OLA1: variants seen among roughly 807,000 people sequenced by gnomAD.
OLA1 encodes the protein obg-like ATPase 1.
OLA1 carries 14 observed loss-of-function variants against 48.4 expected under a neutral mutation model. The observed-to-expected ratio is 0.29, with a 90% CI of 0.19 to 0.45. OLA1 has a LOEUF of 0.45. Among genes scored for constraint, OLA1 ranks in the 20% least tolerant of loss-of-function variants. The pLI is 1.00. For missense variants in OLA1, 325 were observed against 467.1 expected (o/e 0.70, Z 2.80); for synonymous variants, 127 against 150.4 (o/e 0.84, Z 1.14).
chr2:174,114,062 C>T (rs12052812), intron 7 of OLA1, among the ~76,000 whole-genome samples: 1 of 151,424 alleles, frequency 6.6e-6, no homozygotes, highest in African/African-American at 2.4e-5. Context: ...GGCGCGGTGG[C>T]TCATGCCTGT....
chr2:174,124,094 G>C (rs544113921), intron 5 of OLA1, among the ~76,000 whole-genome samples: 1 of 152,188 alleles, frequency 6.6e-6, no homozygotes, highest in African/African-American at 2.4e-5. Flanking sequence ...AGACAAAATT[G>C]AGCCTATTAT....
At position 174,116,217 on chromosome 2, in the gene OLA1, T is replaced by C. The variant is rs534165140; in HGVS notation, c.728+6963A>G. ...TGCAAAGTTCATAAGTCGGTTATTT[T>C]AAAACACATTTTTAAAAAGCAGAAT... On this transcript the variant is annotated intron_variant, in intron 7 of 10. Transcript: ENST00000284719. Among the ~76,000 whole-genome samples, 33 of 152,338 alleles carry C rather than the reference T, an allele frequency of 2.2e-4. No homozygotes were observed. The East Asian group carries it at 5.6e-3, about 26-fold the overall frequency.
At chr2:174,086,836 C>T (rs1684987760) in intron 7 of OLA1, among the ~76,000 whole-genome samples, 1 of 152,144 alleles carries the variant, frequency 6.6e-6, no homozygotes, top group East Asian at 1.9e-4. Context: ...TTTCAGACTG[C>T]GGTTGACAGC....
Position 174,096,154 on chromosome 2 carries a change from A to G in OLA1, c.729-14090T>C, listed in dbSNP as rs541113538. ...CACACTACAACATGGGTGAACGTTG[A>G]AAACACTATGCTAGACACAAAAGGC... On this transcript the variant is annotated intron_variant, in intron 7 of 10. Coordinates refer to ENST00000284719, the MANE Select transcript of OLA1 (RefSeq NM_013341.5). Among the ~76,000 whole-genome samples, 15 of 152,328 alleles carry G rather than the reference A, an allele frequency of 9.8e-5. No individual in the cohort carries two copies. The South Asian group carries it at 3.1e-3, about 32-fold the overall frequency.
At chr2:174,223,905 C>A (rs182011572) in intron 3 of OLA1, among the ~76,000 whole-genome samples, 1 of 151,394 alleles carries the variant, frequency 6.6e-6, no homozygotes, top group East Asian at 1.9e-4. Context: ...GCACATTTAA[C>A]ACCAGTTAAA....
rs1181950190 is a variant in OLA1, at chr2:174,073,369, C to A, written c.*2057G>T. The stretch of plus-strand genomic sequence containing the variant: ...GATACATGCAAAAATATTTACATAA[C>A]ATCCTAAAATATATTAACTTTATCA... On this transcript the variant is annotated 3_prime_UTR_variant, in exon 11 of 11. Transcript: ENST00000284719. The A allele has an allele frequency of 6.6e-6, 1 of 152,056 alleles. No homozygotes were observed. The highest frequency in any genetic ancestry group is 1.5e-5 in the Non-Finnish European group (1 of 67,998). 9.4% of individuals were successfully genotyped at this position (152,056 alleles called of 1,614,324 possible).
chr2:174,111,612 C>T (rs1685653089), intron 7 of OLA1, among the ~76,000 whole-genome samples: 1 of 152,130 alleles, frequency 6.6e-6, no homozygotes, highest in South Asian at 2.1e-4. Context: ...TATACGTATA[C>T]AATGTTCATT....
At chr2:174,210,555 T>C (rs1257147303) in intron 4 of OLA1, among the ~76,000 whole-genome samples, 1 of 152,028 alleles carries the variant, frequency 6.6e-6, no homozygotes, top group African/African-American at 2.4e-5. Context: ...GGGAAAGGGG[T>C]GTAAACACAT....
chr2:174,166,615 C>T (rs1260650547), intron 4 of OLA1, among the ~76,000 whole-genome samples: 1 of 152,100 alleles, frequency 6.6e-6, no homozygotes, highest in African/African-American at 2.4e-5. Flanking sequence ...TACTATAGCA[C>T]GGTGCAATAG....
rs148478065 is a variant in OLA1, at chr2:174,207,682, G to A, written c.373+15351C>T. ...AAAATAAAGAGTGACATCAAAACCA[G>A]TACAGCTAGCAGTTATTCAAAAAAA... On this transcript the variant is annotated intron_variant, in intron 4 of 10. Coordinates refer to ENST00000284719, the MANE Select transcript of OLA1 (RefSeq NM_013341.5). Among the ~76,000 whole-genome samples, 490 of 152,192 alleles carry A rather than the reference G, an allele frequency of 3.2e-3. 2 individuals are homozygous for A. Among genetic ancestry groups the A allele is most frequent in the African/African-American group, 0.011 (466 of 41,520 alleles).
At chr2:174,199,590 A>AT (rs1158931591) in intron 4 of OLA1, among the ~76,000 whole-genome samples, 1 of 152,120 alleles carries the variant, frequency 6.6e-6, no homozygotes, top group Non-Finnish European at 1.5e-5. Context: ...AACAGATTTG[A>AT]TTTTTTTGAT....
chr2:174,233,889 T>C (rs184242407), intron 2 of OLA1, among the ~76,000 whole-genome samples: 2 of 152,292 alleles, frequency 1.3e-5, no homozygotes, highest in African/African-American at 2.4e-5. Context: ...CAAAGGACAT[T>C]AGTGGGAAAA....
At chr2:174,135,418 G>A (rs959050203) in intron 5 of OLA1, among the ~76,000 whole-genome samples, 1 of 152,124 alleles carries the variant, frequency 6.6e-6, no homozygotes, top group Non-Finnish European at 1.5e-5. Context: ...TTTTGTATTT[G>A]TGGAAAACAA....
intron 7 of OLA1, among the ~76,000 whole-genome samples, chr2:174,109,868 G>A (rs10930638): frequency 0.43 from 64,949 of 151,894 alleles, 14,685 homozygotes; most frequent in East Asian, 0.94. Flanking sequence ...TTCGTTACAT[G>A]AACACATCAC....
At chr2:174,243,372 T>C (rs1464719520) in intron 2 of OLA1, among the ~76,000 whole-genome samples, 1 of 152,180 alleles carries the variant, frequency 6.6e-6, no homozygotes, top group African/African-American at 2.4e-5. Flanking sequence ...TAGGCTGCAG[T>C]GAGCCATGAT....
At chr2:174,087,712 T>C (rs1018486220) in intron 7 of OLA1, among the ~76,000 whole-genome samples, 4 of 152,190 alleles carry the variant, frequency 2.6e-5, no homozygotes, top group African/African-American at 9.6e-5. Flanking sequence ...AATAGTTTTC[T>C]CCAGCATACG....
At chr2:174,223,765 C>CA (rs71021680) in intron 3 of OLA1, among the ~76,000 whole-genome samples, 1,383 of 73,286 alleles carry the variant, frequency 0.019, 15 homozygotes, top group Non-Finnish European at 0.021. Flanking sequence ...GTTATATAGA[C>CA]AAAAAAAAAA....
At chr2:174,116,439 T>C (rs1685784651) in intron 7 of OLA1, among the ~76,000 whole-genome samples, 1 of 152,228 alleles carries the variant, frequency 6.6e-6, no homozygotes, top group Non-Finnish European at 1.5e-5. Context: ...CAAATATAGA[T>C]ATGCCAATTC....
chr2:174,232,164 C>T (rs1029177910), intron 2 of OLA1, among the ~76,000 whole-genome samples: 8 of 152,108 alleles, frequency 5.3e-5, no homozygotes, highest in Admixed American at 3.9e-4. Flanking sequence ...GACCTACATA[C>T]TTTATTTTGG....
Sources: allele counts gnomAD v4.1 joint callset (sites outside exome capture counted in the v4.1 genomes callset), GRCh38; gene constraint gnomAD v4.1.1; transcripts MANE v1.5; gene names NCBI Gene and HGNC (gene_info 2026-07-23, HGNC 2026-07-21).